Variants in PDE8B observed in about 807,000 individuals in gnomAD.
PDE8B encodes the protein phosphodiesterase 8B, also known as high affinity cAMP-specific and IBMX-insensitive 3',5'-cyclic phosphodiesterase 8B.
PDE8B carries 26 observed loss-of-function variants against 101.3 expected under a neutral mutation model. The ratio of observed to expected loss-of-function variants is 0.26; its 90% CI spans 0.19 to 0.36. PDE8B has a LOEUF of 0.36. PDE8B is among the 10% of genes least tolerant of loss of function. The pLI is 1.00. For missense variants in PDE8B, 810 were observed against 1,163.1 expected, an observed-to-expected ratio of 0.70 and a Z score of 4.42; for synonymous variants, 424 against 429.3, an observed-to-expected ratio of 0.99 and a Z score of 0.15.
chr5:77,414,793 A>G (rs1015068881), intron 17 of PDE8B, among the ~76,000 whole-genome samples: 3 of 152,050 alleles, frequency 2.0e-5, no homozygotes, highest in African/African-American at 4.8e-5. Flanking sequence ...CCAGTTGAGA[A>G]CAGCACCCAA....
the PDE8B span, among the ~76,000 whole-genome samples, chr5:77,109,826 C>T: frequency 2.0e-5 from 3 of 150,442 alleles, no homozygotes; most frequent in East Asian, 2.0e-4. Context: ...GAGCACCATT[C>T]GTATAGAAGA....
At chr5:77,200,743 G>A in the PDE8B span, among the ~76,000 whole-genome samples, 1 of 152,134 alleles carries the variant, frequency 6.6e-6, no homozygotes, top group Non-Finnish European at 1.5e-5. Context: ...GGCAGTTTTG[G>A]TATATGCTAA....
chr5:77,206,299 C>T (rs115795952), upstream of PDE8B, among the ~76,000 whole-genome samples: 154 of 152,166 alleles, frequency 1.0e-3, no homozygotes, highest in African/African-American at 3.6e-3. Flanking sequence ...AGAAGGCAGA[C>T]AATAAACATA....
chr5:77,229,112 AT>A (rs1208541041), intron 1 of PDE8B, among the ~76,000 whole-genome samples: 1 of 152,204 alleles, frequency 6.6e-6, no homozygotes, highest in Admixed American at 6.5e-5. Flanking sequence ...TAAGTGGCTG[AT>A]GATAGGAGAG....
At chr5:77,192,656 C>T in the PDE8B span, among the ~76,000 whole-genome samples, 2 of 152,238 alleles carry the variant, frequency 1.3e-5, no homozygotes, top group South Asian at 2.1e-4. Context: ...AGCCTTTGGC[C>T]ATTTTCCATT....
intron 1 of PDE8B, among the ~76,000 whole-genome samples, chr5:77,249,191 G>A (rs2149604268): frequency 6.6e-6 from 1 of 152,186 alleles, no homozygotes; most frequent in East Asian, 1.9e-4. Context: ...GCCACTAGTA[G>A]TTAATGAATT....
intron 10 of PDE8B, among the ~76,000 whole-genome samples, chr5:77,360,576 C>A (rs1466794170): frequency 1.3e-5 from 2 of 152,218 alleles, no homozygotes; most frequent in South Asian, 2.1e-4. Context: ...AGTGAGCATG[C>A]ATGCCTGCTG....
At chr5:77,221,343 C>T (rs1751060259) in intron 1 of PDE8B, among the ~76,000 whole-genome samples, 1 of 152,082 alleles carries the variant, frequency 6.6e-6, no homozygotes, top group Admixed American at 6.6e-5. Flanking sequence ...TAGATTTTCC[C>T]CCAATCTAAA....
Position 77,418,264 on chromosome 5 carries a change from C to A in PDE8B, c.1947C>A (p.Leu649=). 1.2e-6 allele frequency: 2 copies of A among 1,612,984 alleles called. No homozygotes were observed. The highest frequency in any genetic ancestry group is 1.7e-6 in the Non-Finnish European group (2 of 1,178,928). The change falls in exon 18 of 22, where the codon CTC becomes CTA. Residue 649 remains leucine (L), a synonymous_variant. Coordinates refer to ENST00000264917, the MANE Select transcript of PDE8B (RefSeq NM_003719.5). ...ATCAGTTGGATGAGGTGGCAGCCCT[C>A]ATTGCTGCCACAGTCCATGACGTGG... The part of the protein sequence containing the change: ...SLDQLDEVAA[L]IAATVHDVDH...
At chr5:77,293,524 G>C (rs1472696811) in intron 1 of PDE8B, among the ~76,000 whole-genome samples, 1 of 152,170 alleles carries the variant, frequency 6.6e-6, no homozygotes, top group Non-Finnish European at 1.5e-5. Flanking sequence ...CAGATAGTCT[G>C]AGTGTGCGAT....
At chr5:77,178,501 A>G in the PDE8B span, among the ~76,000 whole-genome samples, 1 of 152,190 alleles carries the variant, frequency 6.6e-6, no homozygotes, top group African/African-American at 2.4e-5. Flanking sequence ...TGAGTGTGAA[A>G]TAATGATAGA....
chr5:77,245,921 A>G (rs1387358869), intron 1 of PDE8B, among the ~76,000 whole-genome samples: 1 of 135,952 alleles, frequency 7.4e-6, no homozygotes, highest in Non-Finnish European at 1.5e-5. Flanking sequence ...GCACAGTCAC[A>G]GCTCACTGTA....
chr5:77,419,957 A>G, intron 19 of PDE8B, 70 bp downstream of exon 19: 1 of 1,562,806 alleles, frequency 6.4e-7, no homozygotes, highest in Non-Finnish European at 8.8e-7. Context: ...CTGGCCCTGA[A>G]GCATTTTCTC....
At chr5:77,285,742 A>T (rs1186264503) in intron 1 of PDE8B, among the ~76,000 whole-genome samples, 1 of 147,718 alleles carries the variant, frequency 6.8e-6, no homozygotes, top group Non-Finnish European at 1.5e-5. Context: ...AGGCATTTTG[A>T]TACTGCCCAC....
At chr5:77,370,128 T>A (rs1014167136) in intron 10 of PDE8B, among the ~76,000 whole-genome samples, 1 of 152,212 alleles carries the variant, frequency 6.6e-6, no homozygotes, top group Non-Finnish European at 1.5e-5. Context: ...AGCGTGCATA[T>A]CATTAGCAAC....
At chr5:77,283,100 C>T (rs1364307060) in intron 1 of PDE8B, among the ~76,000 whole-genome samples, 1 of 152,082 alleles carries the variant, frequency 6.6e-6, no homozygotes, top group East Asian at 1.9e-4. Flanking sequence ...ATACAAATAG[C>T]TTTACGTCTT....
intron 20 of PDE8B, among the ~76,000 whole-genome samples, chr5:77,424,455 G>A (rs752596361): frequency 6.6e-6 from 1 of 152,216 alleles, no homozygotes; most frequent in Non-Finnish European, 1.5e-5. Flanking sequence ...CTAATACTCA[G>A]CTCAATGAAT....
At chr5:77,226,221 A>AT (rs76518647) in intron 1 of PDE8B, among the ~76,000 whole-genome samples, 19,940 of 152,150 alleles carry the variant, frequency 0.13, 1,857 homozygotes, top group East Asian at 0.49. Flanking sequence ...AGACATTTAG[A>AT]TTTTATCTCT....
chr5:77,394,309 CAG>C (rs962791593), intron 10 of PDE8B, among the ~76,000 whole-genome samples: 1 of 152,120 alleles, frequency 6.6e-6, no homozygotes, highest in Non-Finnish European at 1.5e-5. Flanking sequence ...CACACAGTTT[CAG>C]AGTCAGTCCT....
Sources: allele counts gnomAD v4.1 joint callset (sites outside exome capture counted in the v4.1 genomes callset), GRCh38; gene constraint gnomAD v4.1.1; transcripts MANE v1.5; gene names NCBI Gene and HGNC (gene_info 2026-07-23, HGNC 2026-07-21).